PPP4R2: variants seen among roughly 807,000 people sequenced by gnomAD.
The protein encoded by PPP4R2 is serine/threonine-protein phosphatase 4 regulatory subunit 2.
A neutral mutation model predicts 47.2 loss-of-function variants in PPP4R2; 13 were observed. The ratio of observed to expected loss-of-function variants is 0.28; its 90% CI spans 0.18 to 0.44. The LOEUF is 0.44. PPP4R2 is among the 20% of genes least tolerant of loss of function. The pLI is 1.00. For missense variants in PPP4R2, 421 were observed against 491.2 expected, an observed-to-expected ratio of 0.86 and a Z score of 1.35; for synonymous variants, 151 against 163.3, an observed-to-expected ratio of 0.92 and a Z score of 0.57.
intron 2 of PPP4R2, among the ~76,000 whole-genome samples, chr3:73,026,893 G>A (rs1316834765): frequency 6.6e-6 from 1 of 152,114 alleles, no homozygotes; most frequent in African/African-American, 2.4e-5. Flanking sequence ...TAAAGCCTGG[G>A]TTGAAATCCC....
At chr3:73,049,117 A>G (rs1378152315) in intron 3 of PPP4R2, among the ~76,000 whole-genome samples, 1 of 152,226 alleles carries the variant, frequency 6.6e-6, no homozygotes, top group Non-Finnish European at 1.5e-5. Context: ...TTTTAAAGGC[A>G]CTTATCCAAG....
intron 2 of PPP4R2, among the ~76,000 whole-genome samples, chr3:73,040,633 A>G (rs900865430): frequency 3.3e-5 from 5 of 150,918 alleles, no homozygotes; most frequent in Non-Finnish European, 7.4e-5. Context: ...GCCTGTCTGT[A>G]ATTCCAGTAG....
At chr3:73,018,244 T>A (rs1031443792) in intron 2 of PPP4R2, among the ~76,000 whole-genome samples, 1 of 152,090 alleles carries the variant, frequency 6.6e-6, no homozygotes, top group African/African-American at 2.4e-5. Context: ...AGTACAATAT[T>A]TGTAGGATGT....
chr3:73,063,587 G>A, intron 5 of PPP4R2, 86 bp from the exon 6 acceptor site: 1 of 741,350 alleles, frequency 1.3e-6, no homozygotes, highest in African/African-American at 1.7e-5. Context: ...TTGCACCACT[G>A]CACTCCATTC....
At chr3:73,013,884 G>A (rs979855223) in intron 2 of PPP4R2, among the ~76,000 whole-genome samples, 2 of 152,112 alleles carry the variant, frequency 1.3e-5, no homozygotes, top group South Asian at 4.1e-4. Flanking sequence ...CAGTTGATCC[G>A]CCTGCCTTGG....
At chr3:73,041,042 TATA>T (rs1239581058) in intron 2 of PPP4R2, among the ~76,000 whole-genome samples, 2 of 152,210 alleles carry the variant, frequency 1.3e-5, no homozygotes, top group African/African-American at 2.4e-5. Flanking sequence ...TATTATTTCT[TATA>T]ATGGCTGTAC....
intron 5 of PPP4R2, chr3:73,062,409 A>G (rs890980900): frequency 1.5e-5 from 24 of 1,611,258 alleles, no homozygotes; most frequent in African/African-American, 2.7e-5. Context: ...AGCCAAGTCT[A>G]TGCTAGACCC....
At chr3:73,030,224 G>T (rs187006605) in intron 2 of PPP4R2, among the ~76,000 whole-genome samples, 84 of 152,300 alleles carry the variant, frequency 5.5e-4, no homozygotes, top group Admixed American at 9.1e-4. Flanking sequence ...CTCAAGTGAT[G>T]CTCTTGAGTA....
At chr3:73,056,360 A>C (rs1702732197) in intron 3 of PPP4R2, among the ~76,000 whole-genome samples, 1 of 152,222 alleles carries the variant, frequency 6.6e-6, no homozygotes, top group East Asian at 1.9e-4. Context: ...CTGTTGAACA[A>C]GGTTGGTATT....
chr3:73,006,723 G>A lies in PPP4R2; in HGVS notation c.116+8565G>A, dbSNP rs996056535. ...TGAGCAAGACCTGCTTCGTCTTTTC[G>A]AACTCAGAGCAGTCTATTCACTCAT... On this transcript the variant is annotated intron_variant, in intron 2 of 8. Transcript: ENST00000356692. 5.3e-5 allele frequency among the ~76,000 whole-genome samples: 8 copies of A among 152,212 alleles called. No homozygotes were observed. In the South Asian group the frequency reaches 1.7e-3, roughly 32 times the overall value.
intron 2 of PPP4R2, among the ~76,000 whole-genome samples, chr3:73,043,211 G>T (rs533581066): frequency 6.6e-6 from 1 of 152,238 alleles, no homozygotes; most frequent in South Asian, 2.1e-4. Flanking sequence ...TGCATGTGGA[G>T]AGTCTCATAA....
chr3:73,018,883 A>G (rs1166486316), intron 2 of PPP4R2, among the ~76,000 whole-genome samples: 1 of 152,122 alleles, frequency 6.6e-6, no homozygotes, highest in East Asian at 1.9e-4. Flanking sequence ...TATTTCTGAC[A>G]TGTATCAATT....
chr3:73,015,481 C>CT lies in PPP4R2; in HGVS notation c.116+17340dup, dbSNP rs11321511. Among the ~76,000 whole-genome samples the CT allele has an allele frequency of 6.6e-3, 886 of 133,690 alleles. 7 individuals are homozygous for CT. The highest frequency in any genetic ancestry group is 0.014 in the African/African-American group (498 of 35,768). 87.7% of individuals were successfully genotyped at this position (133,690 alleles called of 152,430 possible). On this transcript the variant is annotated intron_variant, in intron 2 of 8. Coordinates refer to ENST00000356692, the MANE Select transcript of PPP4R2 (RefSeq NM_174907.4). ...TGAGCCACCGTGCCCAGCCTACTGTCTTTTTTTTTTTTTTTTTAGGGTCTC... is the reference window on the plus strand; with the variant it reads ...TGAGCCACCGTGCCCAGCCTACTGTCTTTTTTTTTTTTTTTTTTAGGGTCTC...
At chr3:73,059,848 T>C (rs977139518) in intron 4 of PPP4R2, among the ~76,000 whole-genome samples, 1 of 150,784 alleles carries the variant, frequency 6.6e-6, no homozygotes, top group African/African-American at 2.4e-5. Context: ...GGCAGGAGAA[T>C]TGCTAGAACC....
At chr3:73,010,713 C>T (rs138047987) in intron 2 of PPP4R2, among the ~76,000 whole-genome samples, 330 of 152,076 alleles carry the variant, frequency 2.2e-3, no homozygotes, top group African/African-American at 6.9e-3. Context: ...CGCCCATCAC[C>T]GCTAATTTTT....
intron 2 of PPP4R2, among the ~76,000 whole-genome samples, chr3:73,025,493 GA>G (rs1291878304): frequency 6.6e-6 from 1 of 152,184 alleles, no homozygotes; most frequent in African/African-American, 2.4e-5. Flanking sequence ...AAAAGACGTA[GA>G]ACTGGTGATT....
intron 6 of PPP4R2, 111 bp from the exon 7 acceptor site, chr3:73,063,892 C>A: frequency 1.7e-6 from 2 of 1,183,230 alleles, no homozygotes; most frequent in Admixed American, 2.2e-5. Flanking sequence ...AAGGCATGGG[C>A]CTGAAAACAA....
chr3:73,068,406 T>C lies in PPP4R2; in HGVS notation c.*2684T>C, dbSNP rs1703044799. 6.6e-6 allele frequency: 1 copy of C among 152,196 alleles called. No homozygotes were observed. 9.4% of individuals were successfully genotyped at this position (152,196 alleles called of 1,614,324 possible). ...TATATGTATTATGTTTCTAGCACTTTTCCCTTTTAAAAAGTGAAAATATCC... is the reference window on the plus strand; with the variant it reads ...TATATGTATTATGTTTCTAGCACTTCTCCCTTTTAAAAAGTGAAAATATCC... On this transcript the variant is annotated 3_prime_UTR_variant, in exon 9 of 9. Coordinates refer to ENST00000356692, the MANE Select transcript of PPP4R2 (RefSeq NM_174907.4).
At chr3:73,011,752 C>G (rs1376651535) in intron 2 of PPP4R2, among the ~76,000 whole-genome samples, 1 of 150,930 alleles carries the variant, frequency 6.6e-6, no homozygotes, top group Non-Finnish European at 1.5e-5. Flanking sequence ...TTGAAACATA[C>G]AGGTGATGAG....
Sources: allele counts gnomAD v4.1 joint callset (sites outside exome capture counted in the v4.1 genomes callset), GRCh38; gene constraint gnomAD v4.1.1; transcripts MANE v1.5; gene names NCBI Gene and HGNC (gene_info 2026-07-23, HGNC 2026-07-21).